Variants in SFSWAP observed in about 807,000 individuals in gnomAD.
SFSWAP encodes splicing factor, suppressor of white-apricot homolog.
SFSWAP carries 17 observed loss-of-function variants against 100.7 expected under a neutral mutation model. That is an observed-to-expected ratio of 0.17 (90% CI 0.12 to 0.25). The LOEUF (loss-of-function observed/expected upper bound fraction) is 0.25. Ranked by LOEUF, SFSWAP falls within the 10% of genes least tolerant of loss-of-function variation. SFSWAP has a pLI of 1.00. For synonymous variants in SFSWAP, 504 were observed against 510.1 expected (o/e 0.99, Z 0.16); for missense variants, 1,005 against 1,262.6 (o/e 0.80, Z 3.09).
chr12:131,779,752 A>G (rs1884347456), intron 14 of SFSWAP, among the ~76,000 whole-genome samples: 1 of 152,224 alleles, frequency 6.6e-6, no homozygotes, highest in Non-Finnish European at 1.5e-5. Flanking sequence ...TCCTAAAAAC[A>G]ATATGCTTGC....
chr12:131,729,599 A>G lies in SFSWAP; in HGVS notation c.1081+1171A>G, dbSNP rs116395106. Among the ~76,000 whole-genome samples, 327 of 152,346 alleles carry G rather than the reference A, an allele frequency of 2.1e-3. 3 individuals are homozygous for G. Among genetic ancestry groups the G allele is most frequent in the African/African-American group, 7.3e-3 (305 of 41,574 alleles). On this transcript the variant is annotated intron_variant, in intron 7 of 17. Coordinates refer to ENST00000261674, the MANE Select transcript of SFSWAP (RefSeq NM_004592.4). Reference sequence around the variant, plus strand: ...TCGCTGATTGCAGTTCTTTTATGGTATTCATTAAAGGTAAGTCTTGAAGGT... The same window carrying G: ...TCGCTGATTGCAGTTCTTTTATGGTGTTCATTAAAGGTAAGTCTTGAAGGT...
In SFSWAP at chr12:131,730,366, C is replaced by G. The variant is rs1369155296; in HGVS notation, c.1081+1938C>G. Among the ~76,000 whole-genome samples, 1 of 152,244 alleles carries G rather than the reference C, an allele frequency of 6.6e-6. No homozygotes were observed. The highest frequency in any genetic ancestry group is 1.9e-4 in the East Asian group (1 of 5,200). ...CATTGTCCGTGCACGTCCACCAGATCCCTGAAGCTGCTGCAAAGCAGAGGA... is the reference window on the plus strand; with the variant it reads ...CATTGTCCGTGCACGTCCACCAGATGCCTGAAGCTGCTGCAAAGCAGAGGA... On this transcript the variant is annotated intron_variant, in intron 7 of 17. Transcript: ENST00000261674. This position sits in a 1 kb window ranked among gnomAD's most constrained non-coding sequence, Gnocchi z 4.0.
Position 131,714,792 on chromosome 12 carries a change from T to C in SFSWAP, c.389-30T>C, listed in dbSNP as rs766336483. 2 of 1,600,428 alleles carry C rather than the reference T, an allele frequency of 1.2e-6. No individual in the cohort carries two copies. Among genetic ancestry groups the C allele is most frequent in the East Asian group, 2.2e-5 (1 of 44,758 alleles). On this transcript the variant is annotated intron_variant, in intron 2 of 17. Coordinates refer to ENST00000261674, the MANE Select transcript of SFSWAP (RefSeq NM_004592.4). The surrounding 1 kb of genome is among the most constrained non-coding windows in gnomAD (Gnocchi z 6.0). The stretch of plus-strand genomic sequence containing the variant: ...AGTTTTTCTCAGTAATTTTCTATTT[T>C]TGTTGATAAAATTCTCATTTTTATT...
chr12:131,736,601 A>G (rs1880043434), intron 7 of SFSWAP, among the ~76,000 whole-genome samples: 1 of 152,138 alleles, frequency 6.6e-6, no homozygotes, highest in Admixed American at 6.5e-5. Flanking sequence ...TGAAATCCGT[A>G]GTAAACACCC....
rs142413149 is a variant in SFSWAP, at chr12:131,763,176, A to G, written c.1721-1280A>G. Among the ~76,000 whole-genome samples, 730 of 152,304 alleles carry G rather than the reference A, an allele frequency of 4.8e-3. 6 individuals are homozygous for G. Among genetic ancestry groups the G allele is most frequent in the African/African-American group, 0.015 (620 of 41,548 alleles). On this transcript the variant is annotated intron_variant, in intron 11 of 17. Transcript: ENST00000261674. ...TCACATCACACGCGGGTTTGGAGCCATAAAATGCTAAAGCGGAAGGACCTC... is the reference window on the plus strand; with the variant it reads ...TCACATCACACGCGGGTTTGGAGCCGTAAAATGCTAAAGCGGAAGGACCTC...
chr12:131,736,583 G>A (rs184303705), intron 7 of SFSWAP, among the ~76,000 whole-genome samples: 102 of 152,210 alleles, frequency 6.7e-4, no homozygotes, highest in African/African-American at 2.2e-3. Flanking sequence ...TCCGCCGACC[G>A]TAGAACCTGA....
At chr12:131,728,508 G>C (rs1879204279) in intron 7 of SFSWAP, 80 bp downstream of exon 7, 1 of 1,471,632 alleles carries the variant, frequency 6.8e-7, no homozygotes, top group Admixed American at 1.8e-5. Context: ...AACCCCAAGT[G>C]TTCTGTCCTC....
chr12:131,747,815 C>T (rs1395930366), intron 7 of SFSWAP, among the ~76,000 whole-genome samples: 1 of 152,178 alleles, frequency 6.6e-6, no homozygotes, highest in Admixed American at 6.5e-5. Flanking sequence ...CGAGACATCC[C>T]AGTGGGAATG....
chr12:131,739,839 A>G (rs1429941011), intron 7 of SFSWAP, among the ~76,000 whole-genome samples: 1 of 152,036 alleles, frequency 6.6e-6, no homozygotes, highest in East Asian at 1.9e-4. Context: ...CACTGCGCCC[A>G]GCCCCCAGTT....
At chr12:131,783,390 G>T (rs1406369440) in intron 14 of SFSWAP, 1 of 152,038 alleles carries the variant, frequency 6.6e-6, no homozygotes, top group Non-Finnish European at 1.5e-5. Context: ...TGTTCATTTA[G>T]TTATCTAAAT....
At chr12:131,719,395 G>A in intron 3 of SFSWAP, 59 bp from the exon 4 acceptor site, 1 of 1,258,998 alleles carries the variant, frequency 7.9e-7, no homozygotes, top group Non-Finnish European at 1.2e-6. Context: ...GCTGCCTGCT[G>A]TTAGCAGGTG....
At chr12:131,798,368 G>T (rs1286027799) in intron 16 of SFSWAP, among the ~76,000 whole-genome samples, 1 of 152,136 alleles carries the variant, frequency 6.6e-6, no homozygotes, top group Non-Finnish European at 1.5e-5. Context: ...CGGGGAGGGG[G>T]TGTTGGCTCC....
chr12:131,733,195 C>T lies in SFSWAP; in HGVS notation c.1081+4767C>T, dbSNP rs541807024. On this transcript the variant is annotated intron_variant, in intron 7 of 17. Transcript: ENST00000261674. This position sits in a 1 kb window ranked among gnomAD's most constrained non-coding sequence, Gnocchi z 5.1. ...CTGTATGAGAGCGGGCGGGGGATGG[C>T]GCGGTCTCCCTGGTACTTACTGGGC... Among the ~76,000 whole-genome samples, 70 of 152,126 alleles carry T rather than the reference C, an allele frequency of 4.6e-4. No homozygotes were observed. The highest frequency in any genetic ancestry group is 9.1e-4 in the Non-Finnish European group (62 of 68,018).
At chr12:131,764,032 A>G (rs1443007945) in intron 11 of SFSWAP, among the ~76,000 whole-genome samples, 1 of 152,208 alleles carries the variant, frequency 6.6e-6, no homozygotes, top group East Asian at 1.9e-4. Context: ...AGGCTGAGGC[A>G]GGAGAATCGC....
chr12:131,715,552 G>C (rs1201524190), intron 3 of SFSWAP, among the ~76,000 whole-genome samples: 2 of 152,184 alleles, frequency 1.3e-5, no homozygotes, highest in Non-Finnish European at 2.9e-5. Flanking sequence ...GAAAAACCTG[G>C]GCTCGTGTAG....
In SFSWAP at chr12:131,734,527, T is replaced by A. The variant is rs1879814251; in HGVS notation, c.1081+6099T>A. Reference sequence around the variant, plus strand: ...TTCTGTTTTAGAGCCTGTTACGGTTTTGAGTTACACAGACATGTGTGGGCT... The same window carrying A: ...TTCTGTTTTAGAGCCTGTTACGGTTATGAGTTACACAGACATGTGTGGGCT... On this transcript the variant is annotated intron_variant, in intron 7 of 17. Transcript: ENST00000261674. This position sits in a 1 kb window ranked among gnomAD's most constrained non-coding sequence, Gnocchi z 4.9. Among the ~76,000 whole-genome samples the A allele has an allele frequency of 6.6e-6, 1 of 152,116 alleles. No homozygotes were observed. The highest frequency in any genetic ancestry group is 1.5e-5 in the Non-Finnish European group (1 of 68,042).
intron 15 of SFSWAP, among the ~76,000 whole-genome samples, chr12:131,787,506 G>T (rs898441995): frequency 6.6e-6 from 1 of 152,192 alleles, no homozygotes. Context: ...TGTGGAGTTC[G>T]TGCAGCCTCC....
At chr12:131,722,447 C>CAGACCTGT (rs1227081849) in intron 4 of SFSWAP, among the ~76,000 whole-genome samples, 1 of 152,044 alleles carries the variant, frequency 6.6e-6, no homozygotes, top group Non-Finnish European at 1.5e-5. Flanking sequence ...CCTGTAGTCC[C>CAGACCTGT]AGACCTGTTA....
Position 131,725,553 on chromosome 12 carries a change from A to G in SFSWAP, c.755A>G (p.Tyr252Cys). ...FLRFDHYLNP[Y>C]YKFIQKAMKE... Reference sequence around the variant, plus strand: ...CGCTTCGACCACTACCTCAACCCCTACTATAAGTTCATCCAGAAAGCCATG... The same window carrying G: ...CGCTTCGACCACTACCTCAACCCCTGCTATAAGTTCATCCAGAAAGCCATG... The change falls in exon 5 of 18, where the codon TAC (tyrosine) becomes TGC (cysteine). Residue 252 changes from tyrosine to cysteine, a missense_variant. Physicochemically the swap from Tyr to Cys is radical, Grantham distance 194. Transcript: ENST00000261674. The surrounding 1 kb of genome is among the most constrained non-coding windows in gnomAD (Gnocchi z 4.3). 6.2e-7 allele frequency: 1 copy of G among 1,614,012 alleles called. No homozygotes were observed. The highest frequency in any genetic ancestry group is 8.5e-7 in the Non-Finnish European group (1 of 1,180,014).
Sources: gnomAD v4.1 joint callset for allele counts (sites outside exome capture counted in the v4.1 genomes callset) on GRCh38, gnomAD v4.1.1 for gene constraint, Gnocchi (gnomAD v3.1) non-coding constraint, MANE v1.5 for transcripts, NCBI Gene and HGNC (gene_info 2026-07-23, HGNC 2026-07-21) for gene names.